The following SCNN1A variants were observed in gnomAD, a reference collection of about 807,000 sequenced individuals.
SCNN1A encodes the protein sodium channel epithelial 1 subunit alpha, also known as epithelial sodium channel subunit alpha.
Under a neutral mutation model 68.6 loss-of-function variants are expected in SCNN1A, and 65 were observed. The observed-to-expected ratio is 0.95, with a 90% CI of 0.78 to 1.16. The LOEUF is 1.16. SCNN1A is among the 50% of genes most tolerant of loss of function. The pLI is 0.00. For missense variants in SCNN1A, 880 were observed against 865.9 expected (o/e 1.02, Z -0.20); for synonymous variants, 357 against 353.3 (o/e 1.01, Z -0.12).
At chr12:6,354,892 G>T (rs766544442) in intron 6 of SCNN1A, 44 bp from the exon 7 acceptor site, 4 of 1,476,994 alleles carry the variant, frequency 2.7e-6, no homozygotes, top group East Asian at 4.5e-5. Flanking sequence ...CAGAGCAAGT[G>T]CCTCTGGGTT....
intron 4 of SCNN1A, among the ~76,000 whole-genome samples, chr12:6,361,436 G>A (rs1280133309): frequency 2.6e-5 from 4 of 152,122 alleles, no homozygotes; most frequent in Non-Finnish European, 4.4e-5. Context: ...GGAGAAAGGG[G>A]CCTTAGAAAG....
At chr12:6,363,876 G>T in intron 2 of SCNN1A, 166 bp from the exon 3 acceptor site, 6 of 434,040 alleles carry the variant, frequency 1.4e-5, no homozygotes, top group African/African-American at 2.1e-5. Context: ...GCGGTGAAGG[G>T]TAAACAGGTG....
intron 2 of SCNN1A, among the ~76,000 whole-genome samples, chr12:6,364,539 GGGTCAGGGTATCGAGACCACCCT>G (rs1221792864): frequency 2.0e-5 from 3 of 152,066 alleles, no homozygotes; most frequent in Non-Finnish European, 2.9e-5. Context: ...GCAGATCACG[GGGTCAGGGTATCGAGACCACCCT>G]GGCTAACACG....
In SCNN1A at chr12:6,349,213, C is replaced by T; in HGVS notation, c.1448G>A (p.Ser483Asn). ...TGAGTAACCAGCAGAGAGCTGGTAG[C>T]TGGTCACGCTGGGGATGGAGAAAGG... ...TKCRKPCSVT[S>N]YQLSAGYSRW... Residue 483 changes from serine (S) to asparagine (N), a missense_variant, in exon 10 of 13, where the codon AGC becomes AAC. By Grantham distance (46) the Ser-to-Asn change is conservative. Transcript: ENST00000228916. 2 of 1,614,134 alleles carry T rather than the reference C, an allele frequency of 1.2e-6. No homozygotes were observed. The highest frequency in any genetic ancestry group is 1.3e-5 in the African/African-American group (1 of 75,026).
At chr12:6,361,639 A>G (rs113573895) in intron 4 of SCNN1A, among the ~76,000 whole-genome samples, 1,533 of 152,296 alleles carry the variant, frequency 0.01, 30 homozygotes, top group African/African-American at 0.036. Context: ...GCTACTCAGG[A>G]GGCTGAGGCA....
At chr12:6,363,401 C>T (rs764029787) in intron 3 of SCNN1A, 42 bp downstream of exon 3, 7 of 1,473,062 alleles carry the variant, frequency 4.8e-6, no homozygotes, top group Non-Finnish European at 6.3e-6. Flanking sequence ...GGCCAGGGGC[C>T]GGCGAGGGGC....
upstream of SCNN1A, chr12:6,375,834 G>A (rs759301674): frequency 3.7e-6 from 5 of 1,347,272 alleles, no homozygotes; most frequent in African/African-American, 1.5e-5. Context: ...AAGGAGAAGG[G>A]GCCAGCCAGG....
intron 4 of SCNN1A, among the ~76,000 whole-genome samples, chr12:6,357,301 C>T (rs1948513303): frequency 6.6e-6 from 1 of 152,096 alleles, no homozygotes; most frequent in Admixed American, 6.5e-5. Flanking sequence ...TGGTGGGGCA[C>T]AGTGGCTCAC....
At position 6,354,815 on chromosome 12, in the gene SCNN1A, C is replaced by G. The variant is rs886049758; in HGVS notation, c.1177G>C (p.Asp393His). Reference sequence around the variant, plus strand: ...ACATCACTGCCATTCTTGGTGCAGTCGCCATAATCGCCCCCAAGTCTGTCC... The same window carrying G: ...ACATCACTGCCATTCTTGGTGCAGTGGCCATAATCGCCCCCAAGTCTGTCC... Reference protein sequence around the residue: ...TLDRLGGDYGDCTKNGSDVPV... With the variant: ...TLDRLGGDYGHCTKNGSDVPV... The change falls in exon 7 of 13, where the codon GAC becomes CAC. Residue 393 changes from aspartate to histidine, a missense_variant. Around this residue, in one of 3 missense-constraint regions of SCNN1A, gnomAD observed 758 missense variants for 721.8 expected, o/e 1.05. Coordinates refer to ENST00000228916, the MANE Select transcript of SCNN1A (RefSeq NM_001038.6). 1.2e-6 allele frequency: 2 copies of G among 1,613,872 alleles called. No individual in the cohort carries two copies. Among genetic ancestry groups the G allele is most frequent in the East Asian group, 2.2e-5 (1 of 44,890 alleles).
intron 4 of SCNN1A, chr12:6,356,323 C>A (rs1460620636): frequency 4.2e-6 from 1 of 236,674 alleles, no homozygotes; most frequent in Admixed American, 5.1e-5. Context: ...GAATCATGAG[C>A]TCCTTGATGA....
intron 2 of SCNN1A, 136 bp from the exon 3 acceptor site, chr12:6,363,846 T>C: frequency 1.5e-6 from 1 of 676,542 alleles, no homozygotes; most frequent in South Asian, 2.4e-5. Flanking sequence ...GGGGTCGTCG[T>C]GGCGCCTCCT....
intron 5 of SCNN1A, 87 bp downstream of exon 5, chr12:6,355,690 C>T: frequency 9.7e-7 from 1 of 1,026,966 alleles, no homozygotes; most frequent in Non-Finnish European, 1.6e-6. Context: ...AGGACCCCTC[C>T]CAGCAGCTCT....
intron 3 of SCNN1A, 90 bp downstream of exon 3, chr12:6,363,353 G>C: frequency 8.4e-7 from 1 of 1,191,696 alleles, no homozygotes; most frequent in East Asian, 3.0e-5. Flanking sequence ...GGGCTGCGCG[G>C]GCGGGTCAGG....
intron 2 of SCNN1A, among the ~76,000 whole-genome samples, chr12:6,371,883 C>A (rs1948800906): frequency 6.6e-6 from 1 of 152,080 alleles, no homozygotes; most frequent in Non-Finnish European, 1.5e-5. Flanking sequence ...CTCACTGCAG[C>A]CTCGGCCTCC....
At chr12:6,376,766 C>T (rs1026100952), upstream of SCNN1A, among the ~76,000 whole-genome samples, 1 of 152,046 alleles carries the variant, frequency 6.6e-6, no homozygotes, top group South Asian at 2.1e-4. Flanking sequence ...GGAAGGCTGC[C>T]GCTTCCTCAC....
In SCNN1A at chr12:6,355,467, G is replaced by A. The variant is rs773217858; in HGVS notation, c.980-32C>T. 5 of 1,610,924 alleles carry A rather than the reference G, an allele frequency of 3.1e-6. 1 individual carries two copies. Among genetic ancestry groups the A allele is most frequent in the Middle Eastern group, 3.3e-4 (2 of 6,056 alleles). On this transcript the variant is annotated intron_variant, in intron 5 of 12. Transcript: ENST00000228916. ...GTGCAGAGAGAGCAGAGTTGGCAGA[G>A]GCGGGAATCCTAGAAAAGAGTTAGG...
rs976502902 is a variant in SCNN1A, at chr12:6,374,569, A to G, written c.215T>C (p.Ile72Thr). 2 of 1,613,762 alleles carry G rather than the reference A, an allele frequency of 1.2e-6. No homozygotes were observed. Among genetic ancestry groups the G allele is most frequent in the African/African-American group, 2.7e-5 (2 of 74,898 alleles). ...FCNNTTIHGA[I>T]RLVCSQHNRM... is the part of the protein sequence containing the mutation. ...GTTGTGCTGGGAGCACACCAGGCGG[A>G]TGGCGCCGTGGATGGTGGTGTTGTT... is the stretch of plus-strand genomic sequence containing the variant. The change falls in exon 2 of 13, where the codon ATC (isoleucine) becomes ACC (threonine). Residue 72 changes from isoleucine to threonine, a missense_variant. Ile to Thr is a moderately conservative substitution (Grantham distance 89). Around this residue, in one of 3 missense-constraint regions of SCNN1A, gnomAD observed 45 missense variants for 76.7 expected, o/e 0.59. Coordinates refer to ENST00000228916, the MANE Select transcript of SCNN1A (RefSeq NM_001038.6). This position sits in a 1 kb window ranked among gnomAD's most constrained non-coding sequence, Gnocchi z 6.2.
chr12:6,357,864 G>A (rs569167599), intron 4 of SCNN1A, among the ~76,000 whole-genome samples: 4 of 152,306 alleles, frequency 2.6e-5, no homozygotes, highest in East Asian at 3.9e-4. Context: ...CGGGCACGGC[G>A]GCACATGCCT....
intron 3 of SCNN1A, among the ~76,000 whole-genome samples, chr12:6,363,190 TCCTA>T (rs1948609351): frequency 6.6e-6 from 1 of 151,724 alleles, no homozygotes; most frequent in African/African-American, 2.4e-5. Flanking sequence ...AAATTTGACT[TCCTA>T]CCCCTGAAAT....
Sources: gnomAD v4.1 joint callset for allele counts (sites outside exome capture counted in the v4.1 genomes callset) on GRCh38, gnomAD v4.1.1 for gene constraint, gnomAD v4.1.1 regional missense constraint, Gnocchi (gnomAD v3.1) non-coding constraint, MANE v1.5 for transcripts, NCBI Gene and HGNC (gene_info 2026-07-23, HGNC 2026-07-21) for gene names.